ZDHHC15: variants seen among roughly 807,000 people sequenced by gnomAD.
ZDHHC15 encodes the protein zDHHC palmitoyltransferase 15.
A neutral mutation model predicts 31.7 loss-of-function variants in ZDHHC15; 19 were observed. That is an observed-to-expected ratio of 0.60 (90% CI 0.42 to 0.88). The LOEUF (loss-of-function observed/expected upper bound fraction) is 0.88, where lower values mean the gene tolerates loss of function less well. ZDHHC15 is among the 40% of genes least tolerant of loss of function. ZDHHC15 has a pLI of 0.00. For synonymous variants in ZDHHC15, 103 were observed against 90.0 expected (o/e 1.14, Z -0.82); for missense variants, 209 against 251.2 (o/e 0.83, Z 1.14).
chrX:75,467,259 A>G (rs763882816), intron 3 of ZDHHC15, among the ~76,000 whole-genome samples: 16 of 112,193 alleles, frequency 1.4e-4, no homozygotes, highest in African/African-American at 4.5e-4. Context: ...TGGCACTTTA[A>G]TTTCTGGGAT....
intron 2 of ZDHHC15, among the ~76,000 whole-genome samples, chrX:75,491,581 T>A (rs891128422): frequency 3.7e-5 from 4 of 109,491 alleles, no homozygotes; most frequent in African/African-American, 1.3e-4. Context: ...CATATGTAAC[T>A]AACCTGCACA....
At chrX:75,482,048 T>C (rs1476117584) in intron 2 of ZDHHC15, among the ~76,000 whole-genome samples, 1 of 111,626 alleles carries the variant, frequency 9.0e-6, no homozygotes, top group Non-Finnish European at 1.9e-5. Flanking sequence ...GCCCATAAGG[T>C]GTGCCCAAGA....
Position 75,369,388 on chromosome X carries a change from A to T in ZDHHC15, c.*3590T>A, listed in dbSNP as rs1318318672. On this transcript the variant is annotated 3_prime_UTR_variant, in exon 12 of 12. Transcript: ENST00000373367. The stretch of plus-strand genomic sequence containing the variant: ...ATGTAGATATGTGTGATGAGAGGTG[A>T]AAAGAATAGGCTTTCAATGACTGTT... 9 of 111,069 alleles carry T rather than the reference A, an allele frequency of 8.1e-5. No individual in the cohort carries two copies. The highest frequency in any genetic ancestry group is 1.5e-4 in the Non-Finnish European group (8 of 52,982). The allele number at this position is 111,069 out of a possible 1,213,427, so 9.2% of individuals were successfully genotyped here.
chrX:75,519,490 A>G (rs1419382865), intron 1 of ZDHHC15, among the ~76,000 whole-genome samples: 2 of 111,571 alleles, frequency 1.8e-5, no homozygotes, highest in Non-Finnish European at 3.8e-5. Flanking sequence ...TGAGGTTGAG[A>G]GAGTGAAGTT....
At chrX:75,457,580 T>C (rs1329672483) in intron 3 of ZDHHC15, among the ~76,000 whole-genome samples, 3 of 109,291 alleles carry the variant, frequency 2.7e-5, no homozygotes, top group Non-Finnish European at 5.7e-5. Flanking sequence ...TTCCTACTTA[T>C]ATACACAAGA....
intron 4 of ZDHHC15, 40 bp from the exon 5 acceptor site, chrX:75,431,560 C>G: frequency 8.8e-7 from 1 of 1,133,439 alleles, no homozygotes; most frequent in Non-Finnish European, 1.2e-6. Context: ...CTTGTTAGGG[C>G]TCAATATAAG....
intron 4 of ZDHHC15, among the ~76,000 whole-genome samples, chrX:75,448,025 G>C (rs758794827): frequency 9.2e-6 from 1 of 108,249 alleles, no homozygotes; most frequent in Non-Finnish European, 1.9e-5. Context: ...AGTCCTGGGT[G>C]GAAATCAAGG....
chrX:75,501,478 G>A (rs2049392858), intron 2 of ZDHHC15: 1 of 111,366 alleles, frequency 9.0e-6, no homozygotes, highest in African/African-American at 3.3e-5. Context: ...ACCCAGTAAT[G>A]GGATTGCTGG....
intron 4 of ZDHHC15, among the ~76,000 whole-genome samples, chrX:75,442,339 A>G (rs986256880): frequency 1.8e-5 from 2 of 111,848 alleles, no homozygotes; most frequent in South Asian, 3.8e-4. Context: ...AGGGTATTCA[A>G]TTAGGAAAAG....
intron 10 of ZDHHC15, among the ~76,000 whole-genome samples, chrX:75,383,219 C>T (rs1289820707): frequency 8.9e-6 from 1 of 112,264 alleles, no homozygotes; most frequent in Non-Finnish European, 1.9e-5. Flanking sequence ...TTAATGTTTA[C>T]AACTCACAAA....
At chrX:75,432,625 T>C (rs963811984) in intron 4 of ZDHHC15, among the ~76,000 whole-genome samples, 2 of 111,493 alleles carry the variant, frequency 1.8e-5, no homozygotes, top group Admixed American at 1.9e-4. Context: ...TTTATCACTC[T>C]GCTTTCATAC....
At chrX:75,472,919 G>T (rs2084526706) in intron 3 of ZDHHC15, among the ~76,000 whole-genome samples, 1 of 110,204 alleles carries the variant, frequency 9.1e-6, no homozygotes, top group Non-Finnish European at 1.9e-5. Context: ...GTGGCAGGTT[G>T]ATTATACTGG....
rs754660242 is a variant in ZDHHC15, at chrX:75,497,613, C to A, written c.163+8208G>T. 3.6e-5 allele frequency among the ~76,000 whole-genome samples: 4 copies of A among 111,706 alleles called. No individual in the cohort carries two copies. The East Asian group carries it at 1.1e-3, about 31-fold the overall frequency. On this transcript the variant is annotated intron_variant, in intron 2 of 11. Coordinates refer to ENST00000373367, the MANE Select transcript of ZDHHC15 (RefSeq NM_144969.3). ...TAGCTAACCGAATCCAATAGCATAT[C>A]AAAAAGATAATTCACCATGATCAAG...
At position 75,497,933 on chromosome X, in the gene ZDHHC15, C is replaced by CTTTT. The variant is rs1229705652; in HGVS notation, c.163+7884_163+7887dup. ...AACTGGAAAAAGACAAGGATGCCCACTTTTTTTTTTTTTTTTTGAGACAGT... is the reference window on the plus strand; with the variant it reads ...AACTGGAAAAAGACAAGGATGCCCACTTTTTTTTTTTTTTTTTTTTTGAGACAGT... On this transcript the variant is annotated intron_variant, in intron 2 of 11. Coordinates refer to ENST00000373367, the MANE Select transcript of ZDHHC15 (RefSeq NM_144969.3). Among the ~76,000 whole-genome samples, 349 of 87,810 alleles carry CTTTT rather than the reference C, an allele frequency of 4.0e-3. 2 individuals are homozygous for CTTTT. Among genetic ancestry groups the CTTTT allele is most frequent in the African/African-American group, 0.014 (339 of 23,799 alleles). The allele number at this position is 87,810 out of a possible 115,157, so 76.3% of individuals were successfully genotyped here.
intron 10 of ZDHHC15, among the ~76,000 whole-genome samples, chrX:75,393,064 C>T (rs1252675601): frequency 9.0e-6 from 1 of 110,671 alleles, no homozygotes. Context: ...GTAATACTAA[C>T]AGACGCCCTA....
Position 75,370,557 on chromosome X carries a change from G to A in ZDHHC15, c.*2421C>T, listed in dbSNP as rs1307698920. ...TTTTTTTTTTTTTTTTTGAGACAGA[G>A]TTTCACTCTTATTGCCCAGGCCGGA... On this transcript the variant is annotated 3_prime_UTR_variant, in exon 12 of 12. Transcript: ENST00000373367. 2 of 87,750 alleles carry A rather than the reference G, an allele frequency of 2.3e-5. No individual in the cohort carries two copies. Among genetic ancestry groups the A allele is most frequent in the Non-Finnish European group, 4.2e-5 (2 of 47,548 alleles). The allele number at this position is 87,750 out of a possible 1,213,427, so 7.2% of individuals were successfully genotyped here. A position where few individuals can be genotyped will look rare whatever the true frequency, so the allele number is the denominator to read the frequency against.
chrX:75,400,077 G>A (rs1314782512), intron 10 of ZDHHC15, among the ~76,000 whole-genome samples: 2 of 111,644 alleles, frequency 1.8e-5, no homozygotes, highest in Non-Finnish European at 3.8e-5. Context: ...GGTGTCATAT[G>A]TTCTCCAAAT....
chrX:75,392,206 G>A (rs959970449), intron 10 of ZDHHC15, among the ~76,000 whole-genome samples: 4 of 112,072 alleles, frequency 3.6e-5, no homozygotes, highest in African/African-American at 1.3e-4. Context: ...GAGCCAGTCC[G>A]AGATCCAAAA....
intron 4 of ZDHHC15, among the ~76,000 whole-genome samples, chrX:75,446,498 G>T (rs1269968516): frequency 8.9e-6 from 1 of 112,222 alleles, no homozygotes; most frequent in African/African-American, 3.2e-5. Context: ...ATTTGGAAAA[G>T]AAGTGTGTGG....
Sources: allele counts gnomAD v4.1 joint callset (sites outside exome capture counted in the v4.1 genomes callset), GRCh38; gene constraint gnomAD v4.1.1; transcripts MANE v1.5; gene names NCBI Gene and HGNC (gene_info 2026-07-23, HGNC 2026-07-21).